The following DDR2 variants were observed in gnomAD, a reference collection of about 807,000 sequenced individuals.
DDR2 encodes discoidin domain receptor tyrosine kinase 2, also known as discoidin domain-containing receptor 2.
DDR2 carries 27 observed loss-of-function variants against 94.9 expected under a neutral mutation model. The ratio of observed to expected loss-of-function variants is 0.28; its 90% CI spans 0.21 to 0.39. The LOEUF is 0.39. Ranked by LOEUF, DDR2 falls within the 10% of genes least tolerant of loss-of-function variation. DDR2 has a pLI of 1.00. For synonymous variants in DDR2, 382 were observed against 377.2 expected, an observed-to-expected ratio of 1.01 and a Z score of -0.15; for missense variants, 783 against 1,076.0, an observed-to-expected ratio of 0.73 and a Z score of 3.81.
intron 1 of DDR2, among the ~76,000 whole-genome samples, chr1:162,651,461 C>A (rs1657688207): frequency 6.6e-6 from 1 of 152,164 alleles, no homozygotes; most frequent in Non-Finnish European, 1.5e-5. Flanking sequence ...CTCACTCCAA[C>A]AAATCTTTAG....
At position 162,717,501 on chromosome 1, in the gene DDR2, C is replaced by T. The variant is rs150449155; in HGVS notation, c.-27-1536C>T. ...ACATTATTATTAGCTAAAGTCCATT[C>T]TTTATTCTGATTTCCTCAGTTTCCC... On this transcript the variant is annotated intron_variant, in intron 2 of 17. Transcript: ENST00000367921. Among the ~76,000 whole-genome samples, 334 of 152,244 alleles carry T rather than the reference C, an allele frequency of 2.2e-3. 3 individuals carry two copies. Among genetic ancestry groups the T allele is most frequent in the African/African-American group, 7.7e-3 (319 of 41,534 alleles).
intron 7 of DDR2, among the ~76,000 whole-genome samples, chr1:162,756,082 C>T (rs543618904): frequency 6.6e-6 from 1 of 151,986 alleles, no homozygotes; most frequent in South Asian, 2.1e-4. Context: ...TAGTCTGACA[C>T]AAATATTGAC....
At chr1:162,679,069 T>C (rs1413534832) in intron 2 of DDR2, among the ~76,000 whole-genome samples, 1 of 152,040 alleles carries the variant, frequency 6.6e-6, no homozygotes, top group African/African-American at 2.4e-5. Context: ...ACTTTCATTT[T>C]AGTTTCAGTG....
At chr1:162,700,464 G>C (rs1005239677) in intron 2 of DDR2, among the ~76,000 whole-genome samples, 1 of 152,116 alleles carries the variant, frequency 6.6e-6, no homozygotes, top group African/African-American at 2.4e-5. Flanking sequence ...TTCACACTTG[G>C]GGGAATATTT....
At chr1:162,655,605 C>T (rs1187063520) in intron 2 of DDR2, among the ~76,000 whole-genome samples, 1 of 152,144 alleles carries the variant, frequency 6.6e-6, no homozygotes, top group Non-Finnish European at 1.5e-5. Flanking sequence ...TTGTGACCAG[C>T]CCTAGATTAG....
At chr1:162,664,238 A>AT (rs1571164989) in intron 2 of DDR2, among the ~76,000 whole-genome samples, 1 of 152,210 alleles carries the variant, frequency 6.6e-6, no homozygotes, top group African/African-American at 2.4e-5. Flanking sequence ...CTTTCATTCA[A>AT]TAAAAACTCT....
At chr1:162,761,179 A>G (rs761946140) in intron 8 of DDR2, 32 bp from the exon 9 acceptor site, 13 of 1,613,524 alleles carry the variant, frequency 8.1e-6, no homozygotes, top group Admixed American at 1.7e-5. Context: ...AGCAGGGCCA[A>G]CCTATCACTC....
At chr1:162,653,862 G>A (rs1465662714) in intron 1 of DDR2, among the ~76,000 whole-genome samples, 1 of 152,204 alleles carries the variant, frequency 6.6e-6, no homozygotes, top group Non-Finnish European at 1.5e-5. Flanking sequence ...CCGGAGGAAA[G>A]TTGTGCTGAG....
At chr1:162,658,642 G>A (rs896632471) in intron 2 of DDR2, among the ~76,000 whole-genome samples, 12 of 144,906 alleles carry the variant, frequency 8.3e-5, no homozygotes, top group Admixed American at 7.1e-5. Flanking sequence ...CTTGGGCAAC[G>A]TGGCAAGACC....
rs763154352 is a variant in DDR2 at position 162,772,208 on chromosome 1, A to G, written c.1689A>G (p.Leu563=). Residue 563 remains leucine (L), a synonymous_variant, in exon 13 of 18, where the codon CTA becomes CTG. Transcript: ENST00000367921. ...TGGAGGAGTTCCCCAGGAAACTCCT[A>G]ACTTTCAAAGAGAAGCTGGGAGAAG... ...VAVEEFPRKL[L]TFKEKLGEGQ... is the part of the protein sequence containing the mutation. The G allele has an allele frequency of 1.9e-6, 3 of 1,614,250 alleles. No homozygotes were observed. Among genetic ancestry groups the G allele is most frequent in the Admixed American group, 3.3e-5 (2 of 60,034 alleles).
rs79995394 is a variant in DDR2, at chr1:162,753,931, A to T, written c.186-693A>T. ...GTGTATGAAAGACTAGAGTGATGGTAGGTGGAATTGGAAGGGAGCAACAAA... is the reference window on the plus strand; with the variant it reads ...GTGTATGAAAGACTAGAGTGATGGTTGGTGGAATTGGAAGGGAGCAACAAA... On this transcript the variant is annotated intron_variant, in intron 4 of 17. Coordinates refer to ENST00000367921, the MANE Select transcript of DDR2 (RefSeq NM_006182.4). 9.7e-3 allele frequency among the ~76,000 whole-genome samples: 1,483 copies of T among 152,336 alleles called. 21 individuals carry two copies. Among genetic ancestry groups the T allele is most frequent in the African/African-American group, 0.034 (1,416 of 41,570 alleles).
intron 3 of DDR2, among the ~76,000 whole-genome samples, chr1:162,743,618 G>C (rs186900681): frequency 8.0e-4 from 122 of 152,246 alleles, no homozygotes; most frequent in African/African-American, 2.9e-3. Flanking sequence ...GAACATAAAG[G>C]CCTGGCCACA....
intron 3 of DDR2, among the ~76,000 whole-genome samples, chr1:162,736,488 T>C (rs2102071492): frequency 6.6e-6 from 1 of 152,368 alleles, no homozygotes; most frequent in South Asian, 2.1e-4. Context: ...GAATGGCCTT[T>C]GCAGTTAAAA....
chr1:162,671,690 G>A (rs76820506), intron 2 of DDR2, among the ~76,000 whole-genome samples: 4,447 of 152,166 alleles, frequency 0.029, 236 homozygotes, highest in African/African-American at 0.1. Flanking sequence ...TTAAGCTCTT[G>A]TCTGGAATCT....
chr1:162,718,840 A>C (rs540829202), intron 2 of DDR2, among the ~76,000 whole-genome samples, 197 bp from the exon 3 acceptor site: 84 of 152,302 alleles, frequency 5.5e-4, no homozygotes, highest in Admixed American at 1.0e-3. Flanking sequence ...TAGAGTTTGA[A>C]AATTATTATA....
chr1:162,672,556 A>G (rs898279081), intron 2 of DDR2, among the ~76,000 whole-genome samples: 2 of 152,192 alleles, frequency 1.3e-5, no homozygotes, highest in African/African-American at 2.4e-5. Context: ...GCATATTTAT[A>G]CTAAACTAAG....
chr1:162,641,415 C>T (rs779051165), intron 1 of DDR2, among the ~76,000 whole-genome samples: 14 of 152,268 alleles, frequency 9.2e-5, no homozygotes, highest in Admixed American at 5.9e-4. Flanking sequence ...TCTTTGAAGG[C>T]CAGCTTAAGT....
At chr1:162,741,237 T>TATAAA (rs1662588138) in intron 3 of DDR2, among the ~76,000 whole-genome samples, 1 of 141,572 alleles carries the variant, frequency 7.1e-6, no homozygotes, top group African/African-American at 2.6e-5. Flanking sequence ...TATAATATAA[T>TATAAA]ATAATATAGT....
chr1:162,652,291 A>G (rs1427699616), intron 1 of DDR2, among the ~76,000 whole-genome samples: 1 of 152,180 alleles, frequency 6.6e-6, no homozygotes, highest in Non-Finnish European at 1.5e-5. Context: ...AATGCAAACC[A>G]CACTGACCAT....
Sources: gnomAD v4.1 joint callset for allele counts (sites outside exome capture counted in the v4.1 genomes callset) on GRCh38, gnomAD v4.1.1 for gene constraint, MANE v1.5 for transcripts, NCBI Gene and HGNC (gene_info 2026-07-23, HGNC 2026-07-21) for gene names.